GALNT17: variants seen among roughly 807,000 people sequenced by gnomAD.
GALNT17 encodes UDP-GalNAc:polypeptide N-acetylgalactosaminyltransferase-like 3.
Under a neutral mutation model 63.7 loss-of-function variants are expected in GALNT17, and 29 were observed. The ratio of observed to expected loss-of-function variants is 0.46; its 90% CI spans 0.34 to 0.62. The LOEUF (loss-of-function observed/expected upper bound fraction) is 0.62, where lower values mean the gene tolerates loss of function less well. Ranked by LOEUF, GALNT17 falls within the 20% of genes least tolerant of loss-of-function variation. The pLI is 0.01. For synonymous variants in GALNT17, 305 were observed against 318.3 expected, an observed-to-expected ratio of 0.96 and a Z score of 0.45; for missense variants, 603 against 799.6, an observed-to-expected ratio of 0.75 and a Z score of 2.97.
At chr7:71,357,940 GA>G (rs1792318870) in intron 2 of GALNT17, among the ~76,000 whole-genome samples, 1 of 151,980 alleles carries the variant, frequency 6.6e-6, no homozygotes, top group South Asian at 2.1e-4. Flanking sequence ...AGGGAGGATT[GA>G]AAAAAGGGCA....
At chr7:71,231,160 A>G (rs1789781162) in intron 1 of GALNT17, among the ~76,000 whole-genome samples, 1 of 152,072 alleles carries the variant, frequency 6.6e-6, no homozygotes, top group Non-Finnish European at 1.5e-5. Context: ...CCCATTAGTA[A>G]TAATCAGTGA....
At chr7:71,366,035 A>G (rs1318365979) in intron 2 of GALNT17, among the ~76,000 whole-genome samples, 1 of 152,166 alleles carries the variant, frequency 6.6e-6, no homozygotes, top group African/African-American at 2.4e-5. Flanking sequence ...GGAGCTCGCA[A>G]CCTAGATCCC....
At chr7:71,403,682 C>T (rs1308225218) in intron 3 of GALNT17, among the ~76,000 whole-genome samples, 1 of 152,170 alleles carries the variant, frequency 6.6e-6, no homozygotes, top group Non-Finnish European at 1.5e-5. Context: ...CGGAGCACCC[C>T]AGAATGCTAG....
At chr7:71,239,298 C>CCA (rs757923251) in intron 1 of GALNT17, among the ~76,000 whole-genome samples, 3 of 136,136 alleles carry the variant, frequency 2.2e-5, no homozygotes, top group African/African-American at 8.7e-5. Flanking sequence ...TGTCTGTACC[C>CCA]CCCCCCAAAA....
rs3062958 is a variant in GALNT17 at position 71,685,948 on chromosome 7, A to ATTTTTT, written c.1500+8661_1500+8666dup. 7.7e-4 allele frequency among the ~76,000 whole-genome samples: 46 copies of ATTTTTT among 59,808 alleles called. 1 individual carries two copies. Among genetic ancestry groups the ATTTTTT allele is most frequent in the African/African-American group, 1.4e-3 (21 of 14,558 alleles). 39.2% of individuals were successfully genotyped at this position (59,808 alleles called of 152,430 possible). Reference sequence around the variant, plus strand: ...TTTTTTTCTTTTCAAGGCAATTACTATTTTTTTTTTTTTTTTTTTTTTTTG... The same window carrying ATTTTTT: ...TTTTTTTCTTTTCAAGGCAATTACTATTTTTTTTTTTTTTTTTTTTTTTTTTTTTTG... On this transcript the variant is annotated intron_variant, in intron 9 of 10. Transcript: ENST00000333538.
intron 1 of GALNT17, among the ~76,000 whole-genome samples, chr7:71,141,840 CTGTGTGTGTGTGTGTGTG>C (rs34121771): frequency 1.3e-4 from 16 of 125,076 alleles, no homozygotes; most frequent in African/African-American, 4.1e-4. Flanking sequence ...CCACGTCTGG[CTGTGTGTGTGTGTGTGTG>C]TGTGTGTGTG....
chr7:71,296,007 A>G (rs1018151256), intron 1 of GALNT17, among the ~76,000 whole-genome samples: 3 of 149,862 alleles, frequency 2.0e-5, no homozygotes, highest in Non-Finnish European at 3.0e-5. Context: ...GGGAGCTCTT[A>G]TCTTTTATTA....
At chr7:71,405,216 CA>C (rs1200454692) in intron 3 of GALNT17, among the ~76,000 whole-genome samples, 1 of 152,208 alleles carries the variant, frequency 6.6e-6, no homozygotes, top group African/African-American at 2.4e-5. Flanking sequence ...TTCACAACAT[CA>C]CATTCACAGG....
At chr7:71,606,810 C>T (rs2116945251) in intron 6 of GALNT17, among the ~76,000 whole-genome samples, 1 of 152,280 alleles carries the variant, frequency 6.6e-6, no homozygotes, top group Non-Finnish European at 1.5e-5. Flanking sequence ...TTTTTCTGCT[C>T]ATAATTCTGG....
chr7:71,309,682 G>C (rs1270046464), intron 1 of GALNT17, among the ~76,000 whole-genome samples: 1 of 152,180 alleles, frequency 6.6e-6, no homozygotes, highest in Admixed American at 6.5e-5. Flanking sequence ...ATGATAATAA[G>C]AGTTATGTTA....
At chr7:71,211,383 G>A (rs532323940) in intron 1 of GALNT17, among the ~76,000 whole-genome samples, 1 of 152,292 alleles carries the variant, frequency 6.6e-6, no homozygotes, top group African/African-American at 2.4e-5. Flanking sequence ...CTCCCCACAT[G>A]ATTCTGAGGC....
intron 1 of GALNT17, among the ~76,000 whole-genome samples, chr7:71,134,835 G>GTTTTTTTTTTT (rs561383417): frequency 3.5e-5 from 2 of 57,908 alleles, no homozygotes; most frequent in African/African-American, 7.2e-5. Context: ...TTGTTTTATG[G>GTTTTTTTTTTT]TTTTTTTTTT....
intron 5 of GALNT17, among the ~76,000 whole-genome samples, chr7:71,432,813 G>A (rs970783974): frequency 1.2e-4 from 18 of 152,020 alleles, no homozygotes; most frequent in Admixed American, 1.1e-3. Context: ...ATTTCTTTTT[G>A]TTGTTGTTGT....
At chr7:71,662,455 T>C (rs1194603948) in intron 6 of GALNT17, among the ~76,000 whole-genome samples, 1 of 152,186 alleles carries the variant, frequency 6.6e-6, no homozygotes, top group Non-Finnish European at 1.5e-5. Flanking sequence ...TTTTTCAGTA[T>C]GTTTGAGCTG....
intron 5 of GALNT17, among the ~76,000 whole-genome samples, chr7:71,569,259 C>T (rs1189186016): frequency 6.6e-6 from 1 of 152,084 alleles, no homozygotes; most frequent in African/African-American, 2.4e-5. Context: ...CGTGAGTCAT[C>T]GTGCCCGGCT....
chr7:71,339,136 G>A (rs1791963950), intron 2 of GALNT17, among the ~76,000 whole-genome samples: 1 of 152,132 alleles, frequency 6.6e-6, no homozygotes, highest in Non-Finnish European at 1.5e-5. Context: ...GAGGTTACTG[G>A]AAAAGAGCCG....
At chr7:71,443,685 G>A (rs185065336) in intron 5 of GALNT17, among the ~76,000 whole-genome samples, 103 of 151,796 alleles carry the variant, frequency 6.8e-4, no homozygotes, top group African/African-American at 2.4e-3. Context: ...CCATGAGCCA[G>A]ATAAACCTCT....
At chr7:71,505,708 C>G (rs965829836) in intron 5 of GALNT17, among the ~76,000 whole-genome samples, 2 of 152,226 alleles carry the variant, frequency 1.3e-5, no homozygotes, top group Non-Finnish European at 2.9e-5. Context: ...CCATGTCCAG[C>G]TTCAGTGATT....
chr7:71,586,705 A>G (rs968882605), intron 6 of GALNT17, among the ~76,000 whole-genome samples: 5 of 151,608 alleles, frequency 3.3e-5, no homozygotes, highest in Non-Finnish European at 7.4e-5. Context: ...TGCATGGCAC[A>G]CTGAAAGGAT....
Sources: allele counts gnomAD v4.1 joint callset (sites outside exome capture counted in the v4.1 genomes callset), GRCh38; gene constraint gnomAD v4.1.1; transcripts MANE v1.5; gene names NCBI Gene and HGNC (gene_info 2026-07-23, HGNC 2026-07-21).